The following NWD2 variants were observed in gnomAD, a reference collection of about 807,000 sequenced individuals.
NWD2 encodes the protein NACHT and WD repeat domain-containing protein 2.
Under a neutral mutation model 132.7 loss-of-function variants are expected in NWD2, and 37 were observed. The ratio of observed to expected loss-of-function variants is 0.28; its 90% CI spans 0.21 to 0.37. The LOEUF is 0.37. Ranked by LOEUF, NWD2 falls within the 10% of genes least tolerant of loss-of-function variation. The probability of loss-of-function intolerance (pLI) is 1.00; values close to 1 mark genes in which losing one functional copy is unlikely to be tolerated. For synonymous variants in NWD2, 705 were observed against 803.0 expected (o/e 0.88, Z 2.06); for missense variants, 1,592 against 2,122.4 (o/e 0.75, Z 4.91).
intron 1 of NWD2, among the ~76,000 whole-genome samples, chr4:37,307,224 G>A (rs997499144): frequency 4.0e-5 from 6 of 150,974 alleles, no homozygotes; most frequent in Admixed American, 6.6e-5. Flanking sequence ...TGCTCTACCA[G>A]TGTGTTTTAT....
chr4:37,417,878 A>T (rs1378707553), intron 3 of NWD2, among the ~76,000 whole-genome samples: 1 of 152,198 alleles, frequency 6.6e-6, no homozygotes, highest in Non-Finnish European at 1.5e-5. Flanking sequence ...TTAACTTAAT[A>T]TAGATTAAGA....
At chr4:37,347,554 G>A (rs59783335) in intron 2 of NWD2, among the ~76,000 whole-genome samples, 8,354 of 152,108 alleles carry the variant, frequency 0.055, 249 homozygotes, top group East Asian at 0.098. Flanking sequence ...ACAACCATCT[G>A]ATCTGTTTAC....
intron 2 of NWD2, among the ~76,000 whole-genome samples, chr4:37,353,454 A>C (rs963931628): frequency 1.3e-5 from 2 of 151,980 alleles, no homozygotes; most frequent in African/African-American, 2.4e-5. Context: ...ACTTGGTTCT[A>C]TTCTCCCTGT....
chr4:37,245,296 C>CTGCGCA, intron 1 of NWD2, 78 bp downstream of exon 1: 1 of 1,420,096 alleles, frequency 7.0e-7, no homozygotes, highest in South Asian at 1.4e-5. Context: ...TGTGTCCGCC[C>CTGCGCA]CACAGCCCGG....
In NWD2 at chr4:37,445,556, A is replaced by C. The variant is rs764922468; in HGVS notation, c.3568A>C (p.Ser1190Arg). The C allele has an allele frequency of 1.9e-6, 3 of 1,552,118 alleles. No homozygotes were observed. Among genetic ancestry groups the C allele is most frequent in the Non-Finnish European group, 2.6e-6 (3 of 1,147,136 alleles). The change falls in exon 7 of 7, where the codon AGT becomes CGT. Residue 1190 changes from serine to arginine, a missense_variant. Coordinates refer to ENST00000309447, the MANE Select transcript of NWD2 (RefSeq NM_001144990.2). The surrounding 1 kb of genome is among the most constrained non-coding windows in gnomAD (Gnocchi z 4.7). ...TGACTTTGATTGCCGAAGAGAAGAC[A>C]GTGAGGTGGTCAGCATTGAGCTTTC... Reference protein sequence around the residue: ...TDDFDCRREDSEVVSIELSED... With the variant: ...TDDFDCRREDREVVSIELSED...
At chr4:37,351,031 G>A (rs1169268593) in intron 2 of NWD2, among the ~76,000 whole-genome samples, 2 of 152,052 alleles carry the variant, frequency 1.3e-5, no homozygotes, top group African/African-American at 4.8e-5. Context: ...GGATGAAGCT[G>A]ACTTGATCTT....
intron 1 of NWD2, among the ~76,000 whole-genome samples, chr4:37,301,760 A>G (rs1419055248): frequency 6.6e-6 from 1 of 151,898 alleles, no homozygotes; most frequent in Non-Finnish European, 1.5e-5. Flanking sequence ...ATTTAAGATA[A>G]TTTTGTATTT....
rs1719614525 is a variant in NWD2 at position 37,345,405 on chromosome 4, A to G, written c.241-10961A>G. 3.9e-5 allele frequency among the ~76,000 whole-genome samples: 6 copies of G among 152,152 alleles called. No individual in the cohort carries two copies. In the South Asian group the frequency reaches 1.2e-3, roughly 32 times the overall value. On this transcript the variant is annotated intron_variant, in intron 2 of 6. Coordinates refer to ENST00000309447, the MANE Select transcript of NWD2 (RefSeq NM_001144990.2). Reference sequence around the variant, plus strand: ...TTGTAATTATCAGTCTTTTTTTATTATAGCCACCTTGTGAAGTGTTATTAT... The same window carrying G: ...TTGTAATTATCAGTCTTTTTTTATTGTAGCCACCTTGTGAAGTGTTATTAT...
chr4:37,356,264 A>C, intron 2 of NWD2, 102 bp from the exon 3 acceptor site: 1 of 579,050 alleles, frequency 1.7e-6, no homozygotes, highest in Non-Finnish European at 2.9e-6. Context: ...TGTAAGAGAA[A>C]ACATGCTGCA....
intron 2 of NWD2, among the ~76,000 whole-genome samples, chr4:37,340,880 A>G (rs1166151759): frequency 6.6e-6 from 1 of 152,238 alleles, no homozygotes; most frequent in Non-Finnish European, 1.5e-5. Flanking sequence ...AAGGAAACTT[A>G]GAAATACGGA....
At chr4:37,271,922 C>T (rs1717879400) in intron 1 of NWD2, among the ~76,000 whole-genome samples, 1 of 151,686 alleles carries the variant, frequency 6.6e-6, no homozygotes, top group South Asian at 2.1e-4. Context: ...TCTAAGAAAT[C>T]ATGTTAACTG....
chr4:37,400,116 T>C (rs868077006), intron 3 of NWD2, among the ~76,000 whole-genome samples: 1 of 152,204 alleles, frequency 6.6e-6, no homozygotes, highest in Non-Finnish European at 1.5e-5. Context: ...TCTAAACAGA[T>C]ACATATGGGT....
At position 37,336,774 on chromosome 4, in the gene NWD2, A is replaced by G. The variant is rs531374129; in HGVS notation, c.240+10750A>G. Among the ~76,000 whole-genome samples the G allele has an allele frequency of 4.1e-4, 62 of 152,106 alleles. 1 individual carries two copies. Among genetic ancestry groups the G allele is most frequent in the South Asian group, 2.3e-3 (11 of 4,804 alleles). ...GCCAACATGGTGAAACCCCGTCTCTACTAAAAATAAAAAAATTAGCCAGGC... is the reference window on the plus strand; with the variant it reads ...GCCAACATGGTGAAACCCCGTCTCTGCTAAAAATAAAAAAATTAGCCAGGC... On this transcript the variant is annotated intron_variant, in intron 2 of 6. Transcript: ENST00000309447.
rs2109297133 is a variant in NWD2, at chr4:37,347,289, T to G, written c.241-9077T>G. ...GCCTGAGAAAAATAAATTCTGCTGTTTCTAGGTAGATTATTTCATAGACAT... is the reference window on the plus strand; with the variant it reads ...GCCTGAGAAAAATAAATTCTGCTGTGTCTAGGTAGATTATTTCATAGACAT... On this transcript the variant is annotated intron_variant, in intron 2 of 6. Coordinates refer to ENST00000309447, the MANE Select transcript of NWD2 (RefSeq NM_001144990.2). Among the ~76,000 whole-genome samples the G allele has an allele frequency of 2.0e-5, 3 of 152,266 alleles. No individual in the cohort carries two copies. In the South Asian group the frequency reaches 6.2e-4, roughly 32 times the overall value.
At chr4:37,280,246 G>A (rs748804757) in intron 1 of NWD2, among the ~76,000 whole-genome samples, 4 of 152,146 alleles carry the variant, frequency 2.6e-5, no homozygotes, top group Non-Finnish European at 4.4e-5. Context: ...ATTAAACATT[G>A]AAATAAATGT....
At chr4:37,399,463 A>G (rs1720861995) in intron 3 of NWD2, among the ~76,000 whole-genome samples, 1 of 152,220 alleles carries the variant, frequency 6.6e-6, no homozygotes, top group Non-Finnish European at 1.5e-5. Context: ...ACATATCTTA[A>G]AGTTACTACT....
At position 37,447,612 on chromosome 4, in the gene NWD2, T is replaced by A. The variant is rs1310771293; in HGVS notation, c.*395T>A. The A allele has an allele frequency of 5.0e-6, 1 of 199,854 alleles. No individual in the cohort carries two copies. Among genetic ancestry groups the A allele is most frequent in the African/African-American group, 2.3e-5 (1 of 43,106 alleles). 12.4% of individuals were successfully genotyped at this position (199,854 alleles called of 1,614,324 possible). A position where few individuals can be genotyped will look rare whatever the true frequency, so the allele number is the denominator to read the frequency against. ...GAAATCATGAAGACAAAGAGCTGCT[T>A]GACTTCAAATGATTGTGTGATAAGT... On this transcript the variant is annotated 3_prime_UTR_variant, in exon 7 of 7. Transcript: ENST00000309447.
intron 2 of NWD2, among the ~76,000 whole-genome samples, chr4:37,334,581 C>T (rs894932327): frequency 1.3e-5 from 2 of 152,178 alleles, no homozygotes; most frequent in Admixed American, 6.5e-5. Flanking sequence ...ATAATCTCCC[C>T]CTCTACTCTC....
chr4:37,422,006 C>G (rs1398246561), intron 3 of NWD2, among the ~76,000 whole-genome samples: 2 of 152,060 alleles, frequency 1.3e-5, no homozygotes, highest in Non-Finnish European at 2.9e-5. Context: ...ATAAGGGCAC[C>G]AGTTCTATTA....
Sources: allele counts gnomAD v4.1 joint callset (sites outside exome capture counted in the v4.1 genomes callset), GRCh38; gene constraint gnomAD v4.1.1; non-coding constraint Gnocchi (gnomAD v3.1); transcripts MANE v1.5; gene names NCBI Gene and HGNC (gene_info 2026-07-23, HGNC 2026-07-21).